Variants in MYO9A observed in about 807,000 individuals in gnomAD.
MYO9A encodes the protein unconventional myosin-IXa.
In MYO9A, 103 loss-of-function variants were observed where a neutral mutation model predicts 293.3. That is an observed-to-expected ratio of 0.35 (90% CI 0.30 to 0.41). MYO9A has a LOEUF of 0.41. MYO9A is among the 10% of genes least tolerant of loss of function. MYO9A has a pLI of 1.00. For synonymous variants in MYO9A, 1,001 were observed against 1,035.7 expected (o/e 0.97, Z 0.64); for missense variants, 2,685 against 3,033.0 (o/e 0.89, Z 2.69).
chr15:71,903,119 C>T, intron 21 of MYO9A, 56 bp from the exon 22 acceptor site: 1 of 1,367,796 alleles, frequency 7.3e-7, no homozygotes, highest in Non-Finnish European at 1.0e-6. Flanking sequence ...GTAAACAAGA[C>T]CTTAAACTAA....
chr15:71,910,818 T>C (rs2057823551), intron 19 of MYO9A, among the ~76,000 whole-genome samples: 1 of 152,228 alleles, frequency 6.6e-6, no homozygotes, highest in African/African-American at 2.4e-5. Context: ...TTAGGTTTTC[T>C]TCCTTTTAAA....
At chr15:71,830,027 AT>A (rs2054654367) in intron 40 of MYO9A, 81 bp downstream of exon 40, 2 of 1,381,978 alleles carry the variant, frequency 1.4e-6, no homozygotes, top group South Asian at 2.4e-5. Context: ...GAGATAATAA[AT>A]AAGAAAAAAT....
chr15:72,061,929 C>T (rs1239912091), intron 1 of MYO9A, among the ~76,000 whole-genome samples: 2 of 152,218 alleles, frequency 1.3e-5, no homozygotes, highest in Non-Finnish European at 1.5e-5. Context: ...CAGCACAGTC[C>T]AAGAGGTGGT....
At chr15:72,002,193 G>A (rs2076885091) in intron 8 of MYO9A, among the ~76,000 whole-genome samples, 2 of 151,838 alleles carry the variant, frequency 1.3e-5, no homozygotes, top group Non-Finnish European at 1.5e-5. Flanking sequence ...AGCCATGATC[G>A]TGCCACTGCA....
In MYO9A at chr15:71,822,994, G is replaced by C. The variant is rs1261752541; in HGVS notation, c.*3586C>G. The C allele has an allele frequency of 6.6e-6, 1 of 152,096 alleles. No homozygotes were observed. Among genetic ancestry groups the C allele is most frequent in the Non-Finnish European group, 1.5e-5 (1 of 68,024 alleles). The allele number at this position is 152,096 out of a possible 1,614,324, so 9.4% of individuals were successfully genotyped here. A position where few individuals can be genotyped will look rare whatever the true frequency, so the allele number is the denominator to read the frequency against. On this transcript the variant is annotated 3_prime_UTR_variant, in exon 42 of 42. Transcript: ENST00000356056. ...GGAGTTTTACTACCAAGGCCAGCAT[G>C]GTATTGCAGGACAGTGCTGGGGAGT...
chr15:71,833,368 A>C (rs1227111436), intron 39 of MYO9A, among the ~76,000 whole-genome samples: 1 of 152,132 alleles, frequency 6.6e-6, no homozygotes, highest in Admixed American at 6.5e-5. Flanking sequence ...AAACTTTAAG[A>C]AGTATTACCT....
chr15:71,970,899 C>T (rs773836502), intron 12 of MYO9A, among the ~76,000 whole-genome samples: 5 of 151,992 alleles, frequency 3.3e-5, no homozygotes, highest in Non-Finnish European at 7.4e-5. Flanking sequence ...TGGCTCACAC[C>T]TGTAATCCCA....
In MYO9A at chr15:71,826,643, C is replaced by T. The variant is rs1038498124; in HGVS notation, c.7584G>A (p.Val2528=). 3.1e-6 allele frequency: 5 copies of T among 1,612,884 alleles called. No homozygotes were observed. The Admixed American group carries it at 5.0e-5, about 16-fold the overall frequency. The change falls in exon 42 of 42, where the codon GTG becomes GTA. Residue 2528 remains valine, a synonymous_variant. Coordinates refer to ENST00000356056, the MANE Select transcript of MYO9A (RefSeq NM_006901.4). The part of the protein sequence containing the change: ...GTVMSGRRKT[V]DPDCTSNQQL... Reference sequence around the variant, plus strand: ...GTTGGTTGGAGGTGCAGTCTGGGTCCACAGTTTTTCTGCGGCCAGACATGA... The same window carrying T: ...GTTGGTTGGAGGTGCAGTCTGGGTCTACAGTTTTTCTGCGGCCAGACATGA...
intron 4 of MYO9A, among the ~76,000 whole-genome samples, chr15:72,024,924 A>C (rs2077617129): frequency 6.6e-6 from 1 of 152,212 alleles, no homozygotes; most frequent in Admixed American, 6.5e-5. Flanking sequence ...AGAACAAAAA[A>C]AAATCGTAAC....
At chr15:71,842,826 C>CTGG (rs949604882) in intron 39 of MYO9A, among the ~76,000 whole-genome samples, 1 of 150,310 alleles carries the variant, frequency 6.7e-6, no homozygotes, top group Non-Finnish European at 1.5e-5. Context: ...CACCACTGCA[C>CTGG]TCCAGCCTGG....
chr15:71,860,551 T>C (rs777276680), intron 33 of MYO9A, among the ~76,000 whole-genome samples: 6 of 151,972 alleles, frequency 3.9e-5, no homozygotes, highest in Non-Finnish European at 7.4e-5. Flanking sequence ...ATATCCTTTC[T>C]TGAGCTTGTA....
chr15:71,965,240 A>G (rs1415130350), intron 13 of MYO9A, among the ~76,000 whole-genome samples: 1 of 152,080 alleles, frequency 6.6e-6, no homozygotes, highest in Non-Finnish European at 1.5e-5. Context: ...TGTGCTAATT[A>G]GGTCACCTAT....
chr15:71,871,765 A>C (rs888137998), intron 32 of MYO9A, among the ~76,000 whole-genome samples: 1 of 151,768 alleles, frequency 6.6e-6, no homozygotes, highest in Non-Finnish European at 1.5e-5. Flanking sequence ...TAAGAAGGAC[A>C]AAAAACTCCA....
rs1388914401 is a variant in MYO9A, at chr15:71,859,764, G to C, written c.6124C>G (p.Leu2042Val). The C allele has an allele frequency of 1.9e-6, 3 of 1,613,280 alleles. No individual in the cohort carries two copies. Among genetic ancestry groups the C allele is most frequent in the Non-Finnish European group, 2.5e-6 (3 of 1,179,668 alleles). Residue 2042 changes from leucine to valine, a missense_variant, in exon 34 of 42, where the codon CTG (leucine) becomes GTG (valine). By Grantham distance (32) the Leu-to-Val change is conservative. This residue lies in a region of MYO9A where 238 missense variants were observed against 269.1 expected (regional missense o/e 0.88). Coordinates refer to ENST00000356056, the MANE Select transcript of MYO9A (RefSeq NM_006901.4). ...CKYACHKKCC[L>V]KTTAKCSKKY... ...TTAGAGCACTTGGCTGTGGTTTTCAGACAGCACTTCTTATGGCAAGCATAC... is the reference window on the plus strand; with the variant it reads ...TTAGAGCACTTGGCTGTGGTTTTCACACAGCACTTCTTATGGCAAGCATAC...
chr15:71,970,345 G>A (rs1051668604), intron 12 of MYO9A, among the ~76,000 whole-genome samples: 7 of 152,130 alleles, frequency 4.6e-5, no homozygotes, highest in African/African-American at 1.2e-4. Flanking sequence ...CATTAAGTAG[G>A]AAAGGCTAAA....
At chr15:71,854,629 C>A in intron 34 of MYO9A, 60 bp from the exon 35 acceptor site, 1 of 1,345,182 alleles carries the variant, frequency 7.4e-7, no homozygotes, top group Non-Finnish European at 9.9e-7. Flanking sequence ...ACATGTTTAA[C>A]CATTTCTTTA....
intron 19 of MYO9A, among the ~76,000 whole-genome samples, chr15:71,906,758 C>CTTTCTTTTTT (rs765264146): frequency 0.019 from 1,154 of 61,082 alleles, 163 homozygotes; most frequent in Non-Finnish European, 0.029. Context: ...CCATTTCTTT[C>CTTTCTTTTTT]TTTTTTTTTT....
chr15:71,834,761 T>C (rs1372018969), intron 39 of MYO9A, among the ~76,000 whole-genome samples: 1 of 152,112 alleles, frequency 6.6e-6, no homozygotes. Context: ...AGTGAGAGCC[T>C]GTCTCAAAAC....
intron 9 of MYO9A, among the ~76,000 whole-genome samples, chr15:71,995,318 C>T (rs1005989394): frequency 6.6e-6 from 1 of 152,192 alleles, no homozygotes; most frequent in Non-Finnish European, 1.5e-5. Flanking sequence ...AAAACATACA[C>T]TAATACAACC....
Sources: gnomAD v4.1 joint callset for allele counts (sites outside exome capture counted in the v4.1 genomes callset) on GRCh38, gnomAD v4.1.1 for gene constraint, gnomAD v4.1.1 regional missense constraint, MANE v1.5 for transcripts, NCBI Gene and HGNC (gene_info 2026-07-23, HGNC 2026-07-21) for gene names.